COG8: variants seen among roughly 807,000 people sequenced by gnomAD.
The protein encoded by COG8 is conserved oligomeric Golgi complex subunit 8.
In COG8, 45 loss-of-function variants were observed where a neutral mutation model predicts 46.5. The ratio of observed to expected loss-of-function variants is 0.97; its 90% CI spans 0.76 to 1.24. The LOEUF (loss-of-function observed/expected upper bound fraction) is 1.24, where lower values mean the gene tolerates loss of function less well. COG8 is among the 50% of genes most tolerant of loss of function. COG8 has a pLI of 0.00. For synonymous variants in COG8, 407 were observed against 347.8 expected (o/e 1.17, Z -1.90); for missense variants, 793 against 820.8 (o/e 0.97, Z 0.41).
intron 5 of COG8, chr16:69,330,297 G>C: frequency 7.0e-7 from 1 of 1,431,778 alleles, no homozygotes. Flanking sequence ...AGCCGCTGCA[G>C]CTCGGGCCCG....
chr16:69,329,675 C>T (rs966198816), intron 5 of COG8, among the ~76,000 whole-genome samples: 3 of 152,254 alleles, frequency 2.0e-5, no homozygotes, highest in African/African-American at 7.2e-5. Context: ...GGGGGCTAAC[C>T]CCCACTTCTC....
Position 69,339,495 on chromosome 16 carries a change from C to T in COG8, c.58G>A (p.Glu20Lys). The change falls in exon 1 of 6, where the codon GAG (glutamate) becomes AAG (lysine). Residue 20 changes from glutamate to lysine, a missense_variant. Coordinates refer to ENST00000306875, the MANE Select transcript of COG8 (RefSeq NM_032382.5). ...VATATAAALG[E>K]VEDEGLLASL... ...GCCAGGAGCCCTTCATCCTCCACCT[C>T]GCCGAGAGCCGCTGCTGTGGCCGTG... is the stretch of plus-strand genomic sequence containing the variant. 6.2e-7 allele frequency: 1 copy of T among 1,606,212 alleles called. No homozygotes were observed. The highest frequency in any genetic ancestry group is 2.2e-5 in the East Asian group (1 of 44,836).
At position 69,328,879 on chromosome 16, in the gene COG8, C is replaced by G; in HGVS notation, c.*327G>C. ...GGGCAAACATTTCTGACATCTTCCT[C>G]CAGCTCAGTCTGCCATGCCTTGGCA... On this transcript the variant is annotated 3_prime_UTR_variant, in exon 6 of 6. Coordinates refer to ENST00000306875, the MANE Select transcript of COG8 (RefSeq NM_032382.5). 9.3e-7 allele frequency: 1 copy of G among 1,080,338 alleles called. No homozygotes were observed. The highest frequency in any genetic ancestry group is 1.3e-6 in the Non-Finnish European group (1 of 763,282). 66.9% of individuals were successfully genotyped at this position (1,080,338 alleles called of 1,614,324 possible).
chr16:69,335,024 T>A lies in COG8; in HGVS notation c.910A>T (p.Met304Leu). The change falls in exon 3 of 6, where the codon ATG becomes TTG. Residue 304 changes from methionine (M) to leucine (L), a missense_variant. Transcript: ENST00000306875. ...CTCTCATTCACAGTGTGCTCACCCA[T>A]GGCAGGGGGCAGCAGTGGGTCCTCG... Reference protein sequence around the residue: ...SDEDPLLPPAMGEHTVNESAI... With the variant: ...SDEDPLLPPALGEHTVNESAI... 1 of 1,614,098 alleles carries A rather than the reference T, an allele frequency of 6.2e-7. No homozygotes were observed.
chr16:69,330,968 C>T lies in COG8; in HGVS notation c.1710G>A (p.Leu570=). 12 of 1,591,460 alleles carry T rather than the reference C, an allele frequency of 7.5e-6. No homozygotes were observed. The highest frequency in any genetic ancestry group is 1.0e-5 in the Non-Finnish European group (12 of 1,169,584). The change falls in exon 5 of 6, where the codon CTG becomes CTA. Residue 570 remains leucine, a synonymous_variant. Transcript: ENST00000306875. Reference sequence around the variant, plus strand: ...GTGCTGGAGCTGTGAGCTCGGGCCCCAGCGCCTGGTCATCCAGGGTGAAAA... The same window carrying T: ...GTGCTGGAGCTGTGAGCTCGGGCCCTAGCGCCTGGTCATCCAGGGTGAAAA... ...ETLFTLDDQA[L]GPELTAPAPE...
chr16:69,335,693 G>A (rs142076782), intron 2 of COG8, among the ~76,000 whole-genome samples: 2 of 152,090 alleles, frequency 1.3e-5, no homozygotes, highest in Admixed American at 1.3e-4. Context: ...GTGCAGGCCT[G>A]TAATCCCGGT....
intron 1 of COG8, among the ~76,000 whole-genome samples, 157 bp from the exon 2 acceptor site, chr16:69,336,869 T>A (rs116287593): frequency 0.013 from 2,031 of 152,300 alleles, 53 homozygotes; most frequent in African/African-American, 0.047. Context: ...ATTGAGGAAA[T>A]TTTTAATCCC....
rs1965636079 is a variant in COG8 at position 69,327,533 on chromosome 16, T to G, written c.*1673A>C. The G allele has an allele frequency of 6.6e-6, 1 of 151,982 alleles. No homozygotes were observed. The highest frequency in any genetic ancestry group is 2.1e-4 in the South Asian group (1 of 4,816). The allele number at this position is 151,982 out of a possible 1,614,324, so 9.4% of individuals were successfully genotyped here. On this transcript the variant is annotated 3_prime_UTR_variant, in exon 6 of 6. Transcript: ENST00000306875. Reference sequence around the variant, plus strand: ...TGCTTCTGCTTGGCCTCATGGGGCCTCAGAGAAAGCCACAAAGGAGGATGG... The same window carrying G: ...TGCTTCTGCTTGGCCTCATGGGGCCGCAGAGAAAGCCACAAAGGAGGATGG...
chr16:69,334,905 G>A lies in COG8; in HGVS notation c.1029C>T (p.Asp343=). Residue 343 remains aspartate, a synonymous_variant, in exon 3 of 6, where the codon GAC becomes GAT. Transcript: ENST00000306875. ...AGTACATGCACTGGCCCAGCAGAGA[G>A]TCCAGGTGGCCGCCTATGCCCCGGT... ...DLYRGIGGHL[D]SLLGQCMYFG... is the part of the protein sequence containing the mutation. The A allele has an allele frequency of 6.2e-7, 1 of 1,614,176 alleles. No homozygotes were observed. The highest frequency in any genetic ancestry group is 1.1e-5 in the South Asian group (1 of 91,086).
chr16:69,330,490 G>T (rs2143313613), intron 5 of COG8: 1 of 1,473,632 alleles, frequency 6.8e-7, no homozygotes, highest in South Asian at 1.3e-5. Flanking sequence ...TGCAAGCCCG[G>T]ACACCGACGG....
rs2012418674 is a variant in COG8, at chr16:69,339,468, A to G, written c.85T>C (p.Ser29Pro). The part of the protein sequence containing the change: ...GEVEDEGLLA[S>P]LFRDRFPEAQ... ...TCGGGGAAGCGGTCCCGGAACAGCG[A>G]CGCCAGGAGCCCTTCATCCTCCACC... is the stretch of plus-strand genomic sequence containing the variant. The change falls in exon 1 of 6, where the codon TCG becomes CCG. Residue 29 changes from serine (S) to proline (P), a missense_variant. Ser to Pro is a moderately conservative substitution (Grantham distance 74, BLOSUM62 -1). Transcript: ENST00000306875. 1 of 1,601,306 alleles carries G rather than the reference A, an allele frequency of 6.2e-7. No homozygotes were observed. Among genetic ancestry groups the G allele is most frequent in the Non-Finnish European group, 8.5e-7 (1 of 1,178,762 alleles).
intron 5 of COG8, chr16:69,330,295 C>A: frequency 7.0e-7 from 1 of 1,428,318 alleles, no homozygotes; most frequent in Non-Finnish European, 9.1e-7. Flanking sequence ...TCAGCCGCTG[C>A]AGCTCGGGCC....
In COG8 at chr16:69,331,571, C is replaced by G. The variant is rs1239506772; in HGVS notation, c.1583-476G>C. On this transcript the variant is annotated intron_variant, in intron 4 of 5. Coordinates refer to ENST00000306875, the MANE Select transcript of COG8 (RefSeq NM_032382.5). ...AGGCTGGAGTGCAGTGGCGTGATTG[C>G]TGCTCACTGCAACCTCTGCCTCCCA... 2.0e-5 allele frequency among the ~76,000 whole-genome samples: 3 copies of G among 147,802 alleles called. No individual in the cohort carries two copies. The East Asian group carries it at 6.1e-4, about 30-fold the overall frequency.
chr16:69,338,375 G>A (rs1028262721), intron 1 of COG8: 3 of 152,242 alleles, frequency 2.0e-5, no homozygotes, highest in Non-Finnish European at 4.4e-5. Flanking sequence ...CAAATGGAGA[G>A]ACTTTTTGAT....
intron 3 of COG8, 128 bp from the exon 4 acceptor site, chr16:69,333,010 T>C (rs2011980899): frequency 2.5e-6 from 2 of 811,810 alleles, no homozygotes; most frequent in Non-Finnish European, 4.2e-6. Flanking sequence ...CAGTACATTA[T>C]TTTACTGTCT....
chr16:69,329,787 T>G (rs1290341266), intron 5 of COG8, among the ~76,000 whole-genome samples: 1 of 152,220 alleles, frequency 6.6e-6, no homozygotes, highest in Non-Finnish European at 1.5e-5. Flanking sequence ...ACAGCGGAAC[T>G]AGGGGACCTC....
rs1390263067 is a variant in COG8, at chr16:69,336,519, T to A, written c.571A>T (p.Ile191Phe). Residue 191 changes from isoleucine (I) to phenylalanine (F), a missense_variant, in exon 2 of 6, where the codon ATC becomes TTC. Coordinates refer to ENST00000306875, the MANE Select transcript of COG8 (RefSeq NM_032382.5). ...VRRLERKYSSIPVIQGIVNEV... is the reference protein window; with the variant it reads ...VRRLERKYSSFPVIQGIVNEV... Reference sequence around the variant, plus strand: ...AAGGTGGCTACCTGGATGACAGGGATGGAAGAGTATTTCCTCTCCAGTCGG... The same window carrying A: ...AAGGTGGCTACCTGGATGACAGGGAAGGAAGAGTATTTCCTCTCCAGTCGG... The A allele has an allele frequency of 6.2e-7, 1 of 1,614,102 alleles. No individual in the cohort carries two copies. Among genetic ancestry groups the A allele is most frequent in the East Asian group, 2.2e-5 (1 of 44,890 alleles).
At position 69,335,065 on chromosome 16, in the gene COG8, C is replaced by A; in HGVS notation, c.869G>T (p.Arg290Leu). 1 of 1,614,160 alleles carries A rather than the reference C, an allele frequency of 6.2e-7. No homozygotes were observed. The highest frequency in any genetic ancestry group is 8.5e-7 in the Non-Finnish European group (1 of 1,180,040). The change falls in exon 3 of 6, where the codon CGT becomes CTT. Residue 290 changes from arginine (R) to leucine (L), a missense_variant. Physicochemically the swap from Arg to Leu is moderately radical, Grantham distance 102. Coordinates refer to ENST00000306875, the MANE Select transcript of COG8 (RefSeq NM_032382.5). ...VHLFDIITQYRAIFSDEDPLL... is the reference protein window; with the variant it reads ...VHLFDIITQYLAIFSDEDPLL... The stretch of plus-strand genomic sequence containing the variant: ...TGGGTCCTCGTCTGAGAAGATGGCA[C>A]GGTACTGGGTGATGATATCAAAGAG...
intron 4 of COG8, among the ~76,000 whole-genome samples, chr16:69,331,453 CAAAAAAAAAAAAA>C (rs1185929938): frequency 6.5e-5 from 4 of 61,242 alleles, no homozygotes; most frequent in Admixed American, 2.4e-4. Flanking sequence ...AACTCCGTCT[CAAAAAAAAAAAAA>C]AAAAAAAAAA....
Sources: allele counts gnomAD v4.1 joint callset (sites outside exome capture counted in the v4.1 genomes callset), GRCh38; gene constraint gnomAD v4.1.1; transcripts MANE v1.5; gene names NCBI Gene and HGNC (gene_info 2026-07-23, HGNC 2026-07-21).